Variants in PUS7 observed in about 807,000 individuals in gnomAD.
The protein encoded by PUS7 is pseudouridine synthase 7, also known as pseudouridylate synthase 7 homolog.
A neutral mutation model predicts 79.8 loss-of-function variants in PUS7; 48 were observed. The observed-to-expected ratio is 0.60, with a 90% confidence interval of 0.48 to 0.76. The LOEUF is 0.76. Ranked by LOEUF, PUS7 falls within the 30% of genes least tolerant of loss-of-function variation. PUS7 has a pLI of 0.00. For synonymous variants in PUS7, 286 were observed against 272.2 expected (o/e 1.05, Z -0.50); for missense variants, 729 against 797.6 (o/e 0.91, Z 1.04).
rs371960434 is a variant in PUS7 at position 105,462,184 on chromosome 7, C to T, written c.1757+437G>A. 109 of 155,220 alleles carry T rather than the reference C, an allele frequency of 7.0e-4. 3 individuals are homozygous for T. The South Asian group carries it at 0.022, about 31-fold the overall frequency. 9.6% of individuals were successfully genotyped at this position (155,220 alleles called of 1,614,324 possible). A position where few individuals can be genotyped will look rare whatever the true frequency, so the allele number is the denominator to read the frequency against. ...TGGTGGCTCGTGCCTGTAATCCCAG[C>T]GCTTTGGGAGGCCGGGGCAGGAGGA... On this transcript the variant is annotated intron_variant, in intron 14 of 15. Transcript: ENST00000469408.
Position 105,462,733 on chromosome 7 carries a change from C to T in PUS7, c.1645G>A (p.Glu549Lys), listed in dbSNP as rs1823483927. 1.9e-6 allele frequency: 3 copies of T among 1,611,690 alleles called. No individual in the cohort carries two copies. The highest frequency in any genetic ancestry group is 2.5e-6 in the Non-Finnish European group (3 of 1,179,500). ...TCAAGATTGTCAGCTGTGAGCATTT[C>T]CCTGTAGGCTTCTTGAACTAATATA... The part of the protein sequence containing the change: ...PKHKIQEAYR[E>K]MLTADNLDID... Residue 549 changes from glutamate (E) to lysine (K), a missense_variant, in exon 14 of 16, where the codon GAA becomes AAA. Transcript: ENST00000469408.
chr7:105,490,216 C>T (rs1824726637), intron 7 of PUS7, among the ~76,000 whole-genome samples: 1 of 151,694 alleles, frequency 6.6e-6, no homozygotes. Context: ...GACTGACATA[C>T]ACTGTACACA....
intron 14 of PUS7, among the ~76,000 whole-genome samples, chr7:105,461,572 G>T (rs550575758): frequency 6.6e-5 from 10 of 152,072 alleles, no homozygotes; most frequent in Non-Finnish European, 1.3e-4. Flanking sequence ...AGCAGTAGTG[G>T]TAACAATAGT....
rs1486380021 is a variant in PUS7 at position 105,465,413 on chromosome 7, G to A, written c.1527C>T (p.Ala509=). 6.3e-7 allele frequency: 1 copy of A among 1,599,982 alleles called. No homozygotes were observed. The highest frequency in any genetic ancestry group is 1.3e-5 in the African/African-American group (1 of 74,538). ...PVPGDLVLKG[A]TATYIEEDDV... is the part of the protein sequence containing the mutation. The stretch of plus-strand genomic sequence containing the variant: ...CATCTTCCTCAATATAGGTGGCTGT[G>A]GCTGTAAATTCACAAGTGAACAATA... Residue 509 remains alanine (A), a splice_region_variant and synonymous_variant, in exon 13 of 16, where the codon GCC becomes GCT. Transcript: ENST00000469408.
chr7:105,489,115 T>TCCAG (rs1824675030), intron 7 of PUS7, among the ~76,000 whole-genome samples: 2 of 120,812 alleles, frequency 1.7e-5, no homozygotes, highest in Admixed American at 2.3e-4. Context: ...ACTACTGCAC[T>TCCAG]CCAGCGTGGG....
chr7:105,509,184 C>CAAAAAAAAAAAAAAAAAAAAAAAAAA (rs57095427), intron 1 of PUS7, among the ~76,000 whole-genome samples: 3 of 55,712 alleles, frequency 5.4e-5, no homozygotes, highest in Admixed American at 3.3e-4. Context: ...GACTCCATCT[C>CAAAAAAAAAAAAAAAAAAAAAAAAAA]AAAAAAAAAA....
chr7:105,473,415 A>ATTT (rs922271999), intron 9 of PUS7, among the ~76,000 whole-genome samples: 20 of 123,596 alleles, frequency 1.6e-4, no homozygotes, highest in African/African-American at 2.9e-4. Context: ...TGCCTGCCTA[A>ATTT]TTTTTTTTTT....
chr7:105,514,508 G>T lies in PUS7; in HGVS notation c.-32-5964C>A, dbSNP rs1180661927. Among the ~76,000 whole-genome samples the T allele has an allele frequency of 6.7e-5, 10 of 150,180 alleles. No individual in the cohort carries two copies. The Admixed American group carries it at 6.7e-4, about 10-fold the overall frequency. ...AGTCCCAGCTACTCAGGAGGCTGAG[G>T]CAGGAGAATGGCGTGAACCCGGGAG... On this transcript the variant is annotated intron_variant, in intron 1 of 15. Coordinates refer to ENST00000469408, the MANE Select transcript of PUS7 (RefSeq NM_019042.5).
intron 6 of PUS7, among the ~76,000 whole-genome samples, chr7:105,492,257 G>A (rs565657059): frequency 6.6e-6 from 1 of 151,950 alleles, no homozygotes; most frequent in African/African-American, 2.4e-5. Flanking sequence ...CTACACTCCT[G>A]CCTGGGTGAC....
At chr7:105,476,357 T>C (rs1824111546) in intron 9 of PUS7, among the ~76,000 whole-genome samples, 1 of 151,988 alleles carries the variant, frequency 6.6e-6, no homozygotes, top group Non-Finnish European at 1.5e-5. Flanking sequence ...CATAACATAA[T>C]TTATATATAT....
At chr7:105,517,574 C>T (rs371588561) in intron 1 of PUS7, among the ~76,000 whole-genome samples, 5 of 152,062 alleles carry the variant, frequency 3.3e-5, no homozygotes, top group Non-Finnish European at 5.9e-5. Context: ...ATTTTAAAAC[C>T]CTTTTCATTA....
intron 8 of PUS7, among the ~76,000 whole-genome samples, chr7:105,481,414 G>C (rs779838102): frequency 3.9e-5 from 6 of 152,180 alleles, no homozygotes; most frequent in Admixed American, 6.5e-5. Context: ...ATTTATGGCA[G>C]AGGTTGCAAT....
chr7:105,513,533 T>A (rs138871511), intron 1 of PUS7, among the ~76,000 whole-genome samples: 133 of 152,358 alleles, frequency 8.7e-4, no homozygotes, highest in African/African-American at 3.2e-3. Context: ...TAGTTATTAT[T>A]GATGGGCTGG....
chr7:105,480,548 C>T (rs962487859), intron 9 of PUS7, among the ~76,000 whole-genome samples: 5 of 151,252 alleles, frequency 3.3e-5, no homozygotes, highest in East Asian at 2.0e-4. Context: ...AGGCTGAGGT[C>T]GGGGGATCAC....
Position 105,515,277 on chromosome 7 carries a change from G to C in PUS7, c.-32-6733C>G, listed in dbSNP as rs546562237. Among the ~76,000 whole-genome samples, 11 of 152,198 alleles carry C rather than the reference G, an allele frequency of 7.2e-5. No homozygotes were observed. The East Asian group carries it at 1.2e-3, about 16-fold the overall frequency. On this transcript the variant is annotated intron_variant, in intron 1 of 15. Transcript: ENST00000469408. ...ATTGCTGTAACTATGTGAAAACCCTGTACGAAAAATGTTGTAATCCTGCTA... is the reference window on the plus strand; with the variant it reads ...ATTGCTGTAACTATGTGAAAACCCTCTACGAAAAATGTTGTAATCCTGCTA...
intron 4 of PUS7, among the ~76,000 whole-genome samples, chr7:105,503,075 CTG>C (rs1024434181): frequency 6.6e-5 from 10 of 152,214 alleles, no homozygotes; most frequent in African/African-American, 2.4e-4. Context: ...CTGCCAGACA[CTG>C]TACAAAGCAC....
intron 9 of PUS7, among the ~76,000 whole-genome samples, chr7:105,473,761 C>T (rs905118854): frequency 1.3e-5 from 2 of 151,942 alleles, no homozygotes; most frequent in Admixed American, 1.3e-4. Flanking sequence ...ACCGTGTTGG[C>T]CAGGATGGTC....
chr7:105,480,485 T>TA (rs1269069921), intron 9 of PUS7, among the ~76,000 whole-genome samples: 2 of 148,968 alleles, frequency 1.3e-5, no homozygotes, highest in African/African-American at 5.0e-5. Flanking sequence ...AAATAAAAAA[T>TA]AAAAAAAATA....
chr7:105,472,528 C>T (rs1365089756), intron 9 of PUS7, among the ~76,000 whole-genome samples: 3 of 152,116 alleles, frequency 2.0e-5, no homozygotes, highest in Admixed American at 6.6e-5. Context: ...AGCCATTACA[C>T]CTGGTCCTAC....
Sources: allele counts gnomAD v4.1 joint callset (sites outside exome capture counted in the v4.1 genomes callset), GRCh38; gene constraint gnomAD v4.1.1; transcripts MANE v1.5; gene names NCBI Gene and HGNC (gene_info 2026-07-23, HGNC 2026-07-21).